Variants in NTM observed in about 807,000 individuals in gnomAD.
NTM encodes neurotrimin.
NTM carries 13 observed loss-of-function variants against 42.1 expected under a neutral mutation model. That is an observed-to-expected ratio of 0.31 (90% CI 0.20 to 0.49). NTM has a LOEUF of 0.49. NTM is among the 20% of genes least tolerant of loss of function. The pLI, the probability that NTM is intolerant of heterozygous loss-of-function variation, is 0.99. For synonymous variants in NTM, 187 were observed against 179.2 expected, an observed-to-expected ratio of 1.04 and a Z score of -0.35; for missense variants, 373 against 452.8, an observed-to-expected ratio of 0.82 and a Z score of 1.60.
intron 1 of NTM, among the ~76,000 whole-genome samples, chr11:131,527,175 G>T (rs889928748): frequency 6.6e-6 from 1 of 152,172 alleles, no homozygotes; most frequent in Non-Finnish European, 1.5e-5. Context: ...AGCTATTCTC[G>T]TCGTATGTGC....
At chr11:131,848,991 T>C (rs2045233077) in intron 1 of NTM, among the ~76,000 whole-genome samples, 3 of 152,236 alleles carry the variant, frequency 2.0e-5, no homozygotes, top group South Asian at 4.1e-4. Flanking sequence ...TTTTGCTGCT[T>C]AGAAAATTTG....
At chr11:131,628,661 G>T (rs183729034) in intron 1 of NTM, among the ~76,000 whole-genome samples, 5 of 152,316 alleles carry the variant, frequency 3.3e-5, no homozygotes, top group Non-Finnish European at 5.9e-5. Flanking sequence ...GAAAATGTCT[G>T]CCTGCCCCTG....
chr11:131,874,192 G>T (rs1218667948), intron 1 of NTM, among the ~76,000 whole-genome samples: 2 of 150,560 alleles, frequency 1.3e-5, no homozygotes, highest in Non-Finnish European at 3.0e-5. Flanking sequence ...GGTAGGTTGG[G>T]GAAAATGTGG....
At chr11:131,379,338 A>G (rs1377526707) in intron 1 of NTM, among the ~76,000 whole-genome samples, 1 of 152,190 alleles carries the variant, frequency 6.6e-6, no homozygotes, top group East Asian at 1.9e-4. Context: ...GGAGGATGGG[A>G]AGAAGAGGCA....
At chr11:131,604,214 A>G (rs1042149234) in intron 1 of NTM, among the ~76,000 whole-genome samples, 1 of 151,964 alleles carries the variant, frequency 6.6e-6, no homozygotes, top group African/African-American at 2.4e-5. Flanking sequence ...TTTTACTATA[A>G]CCTTCCTCGT....
chr11:131,869,980 C>T (rs953015469), intron 1 of NTM, among the ~76,000 whole-genome samples: 2 of 152,210 alleles, frequency 1.3e-5, no homozygotes, highest in African/African-American at 2.4e-5. Flanking sequence ...CACACCTCAG[C>T]TGTACAGAGC....
intron 1 of NTM, among the ~76,000 whole-genome samples, chr11:131,823,619 A>T (rs1292649238): frequency 6.6e-6 from 1 of 151,722 alleles, no homozygotes; most frequent in Admixed American, 6.6e-5. Flanking sequence ...TGTCTTGGGG[A>T]AAAAAAGGAA....
intron 1 of NTM, among the ~76,000 whole-genome samples, chr11:131,692,713 C>T (rs1189927389): frequency 6.6e-6 from 1 of 152,190 alleles, no homozygotes; most frequent in East Asian, 1.9e-4. Flanking sequence ...GGATGTCACA[C>T]AAATGCAGAG....
chr11:132,250,628 AATTG>A (rs1218970519), intron 4 of NTM, among the ~76,000 whole-genome samples: 1 of 151,470 alleles, frequency 6.6e-6, no homozygotes, highest in Admixed American at 6.6e-5. Context: ...ACTTACAGTT[AATTG>A]ATTCTCTCTT....
intron 1 of NTM, among the ~76,000 whole-genome samples, chr11:131,414,001 TA>T (rs1395535522): frequency 6.6e-6 from 1 of 152,026 alleles, no homozygotes; most frequent in Admixed American, 6.6e-5. Flanking sequence ...AGCTTGACCC[TA>T]ACTAGCTATG....
chr11:132,284,139 G>C (rs1425541558), intron 4 of NTM, among the ~76,000 whole-genome samples: 1 of 152,136 alleles, frequency 6.6e-6, no homozygotes, highest in African/African-American at 2.4e-5. Flanking sequence ...GAAAGAGCTG[G>C]CGCACAGCAA....
intron 1 of NTM, among the ~76,000 whole-genome samples, chr11:131,460,677 T>C (rs1394265907): frequency 5.3e-5 from 8 of 152,108 alleles, no homozygotes; most frequent in Non-Finnish European, 1.2e-4. Flanking sequence ...CTCAACCTCC[T>C]GAGTAGCTGG....
chr11:131,371,498 G>A (rs766622721), intron 1 of NTM, among the ~76,000 whole-genome samples: 14 of 152,022 alleles, frequency 9.2e-5, no homozygotes, highest in Non-Finnish European at 1.8e-4. Context: ...GTGTGGAAGC[G>A]AGGGGAGCCG....
intron 1 of NTM, among the ~76,000 whole-genome samples, chr11:131,882,611 T>G (rs2049717296): frequency 6.6e-6 from 1 of 152,184 alleles, no homozygotes; most frequent in Non-Finnish European, 1.5e-5. Context: ...CTCTTTACAT[T>G]CGGAGTATCT....
rs547976514 is a variant in NTM at position 132,127,632 on chromosome 11, G to T, written c.168-18650G>T. On this transcript the variant is annotated intron_variant, in intron 2 of 8. Transcript: ENST00000683400. ...GCTTGCTGCCTCGGATGCTTTTATG[G>T]GCATTGATTCCCTCCACTGCTTCCC... is the stretch of plus-strand genomic sequence containing the variant. Among the ~76,000 whole-genome samples, 85 of 152,244 alleles carry T rather than the reference G, an allele frequency of 5.6e-4. 1 individual carries two copies. The highest frequency in any genetic ancestry group is 3.5e-3 in the South Asian group (17 of 4,822).
chr11:132,164,320 A>C lies in NTM; in HGVS notation c.400+17806A>C, dbSNP rs116105189. ...TTGTTAGGTGATAACATGAGATGAT[A>C]CCATTAAAAAGTGCCATAATCTAGC... On this transcript the variant is annotated intron_variant, in intron 3 of 8. Transcript: ENST00000683400. 5.3e-3 allele frequency among the ~76,000 whole-genome samples: 812 copies of C among 152,204 alleles called. 9 individuals carry two copies. Among genetic ancestry groups the C allele is most frequent in the African/African-American group, 0.019 (777 of 41,520 alleles).
intron 2 of NTM, among the ~76,000 whole-genome samples, chr11:132,016,080 C>T (rs2073349469): frequency 6.7e-6 from 1 of 150,100 alleles, no homozygotes; most frequent in African/African-American, 2.4e-5. Flanking sequence ...CGCTGTGTTT[C>T]TTCTCTGCCT....
At chr11:132,176,369 A>G (rs5795756) in intron 3 of NTM, among the ~76,000 whole-genome samples, 105 of 23,458 alleles carry the variant, frequency 4.5e-3, no homozygotes, top group Middle Eastern at 0.022. Context: ...AAAAAAAAAG[A>G]AAAAAAAAAC....
intron 1 of NTM, among the ~76,000 whole-genome samples, chr11:131,401,946 G>A (rs1005363212): frequency 1.3e-5 from 2 of 148,604 alleles, no homozygotes; most frequent in African/African-American, 5.0e-5. Flanking sequence ...ACAGATGTAG[G>A]AGAGATTGTT....
Sources: allele counts gnomAD v4.1 joint callset (sites outside exome capture counted in the v4.1 genomes callset), GRCh38; gene constraint gnomAD v4.1.1; transcripts MANE v1.5; gene names NCBI Gene and HGNC (gene_info 2026-07-23, HGNC 2026-07-21).